The following LRRC4C variants were observed in gnomAD, a reference collection of about 807,000 sequenced individuals.
LRRC4C encodes leucine rich repeat containing 4C.
A neutral mutation model predicts 33.6 loss-of-function variants in LRRC4C; 5 were observed. The observed-to-expected ratio is 0.15, with a 90% CI of 0.08 to 0.31. The LOEUF (loss-of-function observed/expected upper bound fraction) is 0.31. Ranked by LOEUF, LRRC4C falls within the 10% of genes least tolerant of loss-of-function variation. The pLI is 1.00. For synonymous variants in LRRC4C, 329 were observed against 302.0 expected (o/e 1.09, Z -0.93); for missense variants, 560 against 796.7 (o/e 0.70, Z 3.58).
intron 2 of LRRC4C, among the ~76,000 whole-genome samples, chr11:40,859,496 CTT>C (rs1323038974): frequency 6.6e-6 from 1 of 151,900 alleles, no homozygotes; most frequent in African/African-American, 2.4e-5. Context: ...AATATATACT[CTT>C]TGTAAGACAA....
At chr11:40,199,663 T>C (rs1261723280) in intron 5 of LRRC4C, among the ~76,000 whole-genome samples, 1 of 152,204 alleles carries the variant, frequency 6.6e-6, no homozygotes, top group East Asian at 1.9e-4. Flanking sequence ...ATTAAGATTC[T>C]AGAGTTTAAT....
chr11:40,306,015 T>A (rs530646429), intron 4 of LRRC4C, among the ~76,000 whole-genome samples: 1 of 152,198 alleles, frequency 6.6e-6, no homozygotes, highest in South Asian at 2.1e-4. Context: ...ATGTAGCAAA[T>A]GTGACCAACG....
intron 1 of LRRC4C, among the ~76,000 whole-genome samples, chr11:41,023,099 G>A (rs1445081318): frequency 2.6e-5 from 4 of 151,762 alleles, no homozygotes; most frequent in Non-Finnish European, 5.9e-5. Context: ...ATAAATAGAA[G>A]GACATAAGAG....
chr11:40,639,147 C>G (rs1234926673), intron 3 of LRRC4C, among the ~76,000 whole-genome samples: 1 of 146,770 alleles, frequency 6.8e-6, no homozygotes, highest in East Asian at 2.0e-4. Flanking sequence ...AAAAGTAACA[C>G]TTTGTTAAGG....
chr11:40,859,318 TG>T (rs369404768), intron 2 of LRRC4C, among the ~76,000 whole-genome samples: 156 of 152,200 alleles, frequency 1.0e-3, no homozygotes, highest in African/African-American at 3.7e-3. Flanking sequence ...ATTATGGTAG[TG>T]AAGGAGTCAT....
chr11:41,325,571 T>TGTGTG (rs1555147284), intron 1 of LRRC4C, among the ~76,000 whole-genome samples: 1 of 84,614 alleles, frequency 1.2e-5, no homozygotes, highest in African/African-American at 3.8e-5. Context: ...TTATAGTTTT[T>TGTGTG]TTTTTTTGTG....
chr11:41,367,112 CT>C (rs1565616517), intron 1 of LRRC4C, among the ~76,000 whole-genome samples: 1 of 152,050 alleles, frequency 6.6e-6, no homozygotes, highest in Admixed American at 6.6e-5. Flanking sequence ...GGGAAGGTGC[CT>C]TTATAGGGGT....
chr11:40,980,585 G>A (rs1387449375), intron 1 of LRRC4C, among the ~76,000 whole-genome samples: 1 of 152,074 alleles, frequency 6.6e-6, no homozygotes, highest in Admixed American at 6.5e-5. Flanking sequence ...AAAAGTCTAA[G>A]CAATTAAAAA....
intron 1 of LRRC4C, among the ~76,000 whole-genome samples, chr11:40,998,132 A>T (rs957193351): frequency 6.6e-6 from 1 of 152,106 alleles, no homozygotes; most frequent in African/African-American, 2.4e-5. Context: ...TAAATTCTAA[A>T]TTTATTGTTA....
intron 2 of LRRC4C, among the ~76,000 whole-genome samples, chr11:40,679,173 T>C (rs557434463): frequency 6.6e-6 from 1 of 152,284 alleles, no homozygotes; most frequent in East Asian, 1.9e-4. Context: ...TGTGGAACTT[T>C]GAAGTTGAGA....
At chr11:41,338,459 C>T (rs114665491) in intron 1 of LRRC4C, among the ~76,000 whole-genome samples, 1,709 of 152,170 alleles carry the variant, frequency 0.011, 33 homozygotes, top group African/African-American at 0.038. Flanking sequence ...AATCAAACCC[C>T]TCATGTTCTC....
chr11:41,260,384 T>C (rs1277527279), intron 1 of LRRC4C, among the ~76,000 whole-genome samples: 1 of 152,062 alleles, frequency 6.6e-6, no homozygotes, highest in African/African-American at 2.4e-5. Context: ...TCAAAATGTC[T>C]TCTTAGAAAT....
chr11:40,162,618 G>A (rs1859252338), intron 5 of LRRC4C, among the ~76,000 whole-genome samples: 1 of 152,086 alleles, frequency 6.6e-6, no homozygotes, highest in African/African-American at 2.4e-5. Flanking sequence ...ATGTTTCGTC[G>A]CTTTGTAGCT....
At chr11:40,877,762 A>T (rs1954977088) in intron 2 of LRRC4C, among the ~76,000 whole-genome samples, 1 of 152,164 alleles carries the variant, frequency 6.6e-6, no homozygotes, top group South Asian at 2.1e-4. Flanking sequence ...TGTTCACATT[A>T]AAACAACAAC....
chr11:41,089,962 A>C (rs1344103095), intron 1 of LRRC4C, among the ~76,000 whole-genome samples: 1 of 152,022 alleles, frequency 6.6e-6, no homozygotes, highest in Non-Finnish European at 1.5e-5. Context: ...AGTTATTTTC[A>C]AAGAATAAGG....
intron 1 of LRRC4C, among the ~76,000 whole-genome samples, chr11:41,102,475 T>C (rs1396846352): frequency 6.6e-6 from 1 of 152,080 alleles, no homozygotes; most frequent in Non-Finnish European, 1.5e-5. Context: ...TGAATTCGTA[T>C]TGAAGTATAT....
chr11:40,548,180 G>A (rs150778149), intron 3 of LRRC4C, among the ~76,000 whole-genome samples: 16 of 152,152 alleles, frequency 1.1e-4, no homozygotes, highest in African/African-American at 3.1e-4. Flanking sequence ...AATAAGTGAG[G>A]GAATCATGTA....
chr11:40,806,843 T>C (rs951920989), intron 2 of LRRC4C, among the ~76,000 whole-genome samples: 5 of 152,190 alleles, frequency 3.3e-5, no homozygotes, highest in African/African-American at 4.8e-5. Flanking sequence ...GGCATATTCC[T>C]GATGTCTGCT....
At chr11:40,851,509 T>A (rs1215671559) in intron 2 of LRRC4C, among the ~76,000 whole-genome samples, 1 of 152,150 alleles carries the variant, frequency 6.6e-6, no homozygotes, top group Non-Finnish European at 1.5e-5. Context: ...GCTACCTCAG[T>A]TGGAAATGCA....
Sources: allele counts gnomAD v4.1 joint callset (sites outside exome capture counted in the v4.1 genomes callset), GRCh38; gene constraint gnomAD v4.1.1; transcripts MANE v1.5; gene names NCBI Gene and HGNC (gene_info 2026-07-23, HGNC 2026-07-21).